The following CHRNA7 variants were observed in gnomAD, a reference collection of about 807,000 sequenced individuals.
CHRNA7 encodes the protein neuronal acetylcholine receptor subunit alpha-7.
In CHRNA7, 17 loss-of-function variants were observed where a neutral mutation model predicts 48.0. That is an observed-to-expected ratio of 0.35 (90% CI 0.24 to 0.53). CHRNA7 has a LOEUF of 0.53. CHRNA7 is among the 20% of genes least tolerant of loss of function. The pLI is 0.92. For synonymous variants in CHRNA7, 75 were observed against 242.3 expected, an observed-to-expected ratio of 0.31 and a Z score of 6.41; for missense variants, 155 against 577.7, an observed-to-expected ratio of 0.27 and a Z score of 7.50.
intron 4 of CHRNA7, among the ~76,000 whole-genome samples, chr15:32,122,112 T>G (rs573938753): frequency 3.7e-4 from 56 of 152,320 alleles, no homozygotes; most frequent in African/African-American, 1.3e-3. Context: ...CCAAGTTCTA[T>G]TCACATTTTG....
intron 4 of CHRNA7, among the ~76,000 whole-genome samples, chr15:32,132,606 A>ACT (rs1250772835): frequency 6.6e-6 from 1 of 152,058 alleles, no homozygotes; most frequent in Non-Finnish European, 1.5e-5. Flanking sequence ...CCTGAAGAGA[A>ACT]CTCTCTCTGG....
intron 3 of CHRNA7, 194 bp downstream of exon 3, chr15:32,101,541 G>A: frequency 1.6e-6 from 1 of 606,758 alleles, no homozygotes; most frequent in African/African-American, 1.9e-5. Flanking sequence ...ACTACAGTCT[G>A]CAGTGCTCAA....
intron 2 of CHRNA7, among the ~76,000 whole-genome samples, chr15:32,082,793 A>G (rs1289563316): frequency 6.6e-6 from 1 of 152,136 alleles, no homozygotes; most frequent in Admixed American, 6.5e-5. Flanking sequence ...TTGGGTTTCT[A>G]TTTTTGTTAA....
At chr15:32,142,973 T>C (rs972778753) in intron 4 of CHRNA7, among the ~76,000 whole-genome samples, 1 of 152,210 alleles carries the variant, frequency 6.6e-6, no homozygotes, top group Non-Finnish European at 1.5e-5. Context: ...TTTGAATTTA[T>C]TTGCTTTTGC....
At chr15:32,051,086 GGGGGTCA>G (rs2049665134) in intron 2 of CHRNA7, among the ~76,000 whole-genome samples, 1 of 151,720 alleles carries the variant, frequency 6.6e-6, no homozygotes, top group Non-Finnish European at 1.5e-5. Context: ...TAGGCTGCTC[GGGGGTCA>G]GGGGTCAGGG....
intron 2 of CHRNA7, among the ~76,000 whole-genome samples, chr15:32,087,407 T>A (rs1595431890): frequency 1.3e-5 from 2 of 152,190 alleles, no homozygotes; most frequent in African/African-American, 2.4e-5. Flanking sequence ...ACACCTAGAA[T>A]CAGCCCTTTC....
At position 32,124,554 on chromosome 15, in the gene CHRNA7, A is replaced by T. The variant is rs963869081; in HGVS notation, c.350+12655A>T. On this transcript the variant is annotated intron_variant, in intron 4 of 9. Transcript: ENST00000306901. ...CCCAAAAGTAGTAATATTCACAAAA[A>T]ATAAACTAAGACTGGAAGAAAATTC... 3.9e-5 allele frequency among the ~76,000 whole-genome samples: 6 copies of T among 152,372 alleles called. No homozygotes were observed. The East Asian group carries it at 1.2e-3, about 29-fold the overall frequency.
intron 3 of CHRNA7, among the ~76,000 whole-genome samples, chr15:32,108,023 A>G (rs2050699403): frequency 6.6e-6 from 1 of 152,006 alleles, no homozygotes; most frequent in Non-Finnish European, 1.5e-5. Flanking sequence ...ATTATACCAT[A>G]ATGTATTTTT....
intron 4 of CHRNA7, among the ~76,000 whole-genome samples, chr15:32,129,893 A>G (rs907549470): frequency 2.6e-5 from 4 of 151,914 alleles, no homozygotes; most frequent in African/African-American, 9.7e-5. Context: ...ATACATATTG[A>G]TACATTGCAT....
chr15:32,055,336 TATAAC>T (rs534266322), intron 2 of CHRNA7, among the ~76,000 whole-genome samples: 69 of 152,286 alleles, frequency 4.5e-4, no homozygotes, highest in South Asian at 1.7e-3. Context: ...TTTGTGCTGT[TATAAC>T]AGACTGGAGA....
At chr15:32,058,727 A>G (rs2049827952) in intron 2 of CHRNA7, among the ~76,000 whole-genome samples, 1 of 152,124 alleles carries the variant, frequency 6.6e-6, no homozygotes, top group Non-Finnish European at 1.5e-5. Flanking sequence ...GGAAATCTGG[A>G]AAGGGCTGTG....
At chr15:32,140,087 G>A (rs927709826) in intron 4 of CHRNA7, among the ~76,000 whole-genome samples, 4 of 30,534 alleles carry the variant, frequency 1.3e-4, no homozygotes, top group Admixed American at 3.7e-4. Context: ...CCCACCCCCC[G>A]AGAGGCCCCG....
intron 4 of CHRNA7, among the ~76,000 whole-genome samples, chr15:32,119,010 G>C (rs200399756): frequency 9.1e-6 from 1 of 109,574 alleles, no homozygotes. Flanking sequence ...AAAAAATAGT[G>C]AGGGAAGAGA....
intron 4 of CHRNA7, among the ~76,000 whole-genome samples, chr15:32,137,031 CAA>C (rs775166263): frequency 1.6e-5 from 1 of 63,920 alleles, no homozygotes; most frequent in Admixed American, 2.1e-4. Context: ...GACTCCGTCT[CAA>C]AAAAAAAAAA....
intron 2 of CHRNA7, among the ~76,000 whole-genome samples, chr15:32,039,179 A>G (rs996358606): frequency 6.6e-6 from 1 of 151,990 alleles, no homozygotes; most frequent in African/African-American, 2.4e-5. Context: ...CTAGATGCTT[A>G]TTGATTTTAT....
intron 3 of CHRNA7, 124 bp downstream of exon 3, chr15:32,101,471 A>G: frequency 9.7e-7 from 1 of 1,031,698 alleles, no homozygotes. Flanking sequence ...CAAAAAAACA[A>G]AAGGCCATGG....
chr15:32,137,392 T>A (rs1429065529), intron 4 of CHRNA7, among the ~76,000 whole-genome samples: 5 of 147,914 alleles, frequency 3.4e-5, no homozygotes, highest in Middle Eastern at 3.6e-3. Context: ...TTAAATAAGG[T>A]CAGGTGATAG....
At chr15:32,112,354 A>G (rs1390067217) in intron 4 of CHRNA7, 19 of 457,272 alleles carry the variant, frequency 4.2e-5, no homozygotes, top group Non-Finnish European at 7.9e-5. Context: ...TGTGGCAGAG[A>G]TGGCTGCAGG....
At chr15:32,124,090 A>T (rs1245343307) in intron 4 of CHRNA7, among the ~76,000 whole-genome samples, 1 of 152,162 alleles carries the variant, frequency 6.6e-6, no homozygotes, top group African/African-American at 2.4e-5. Context: ...TCTCAAACCA[A>T]AACAGACTCC....
Sources: allele counts gnomAD v4.1 joint callset (sites outside exome capture counted in the v4.1 genomes callset), GRCh38; gene constraint gnomAD v4.1.1; transcripts MANE v1.5; gene names NCBI Gene and HGNC (gene_info 2026-07-23, HGNC 2026-07-21).